MTIF2: variants seen among roughly 807,000 people sequenced by gnomAD.
The protein encoded by MTIF2 is translation initiation factor IF-2, mitochondrial.
A neutral mutation model predicts 83.5 loss-of-function variants in MTIF2; 71 were observed. The ratio of observed to expected loss-of-function variants is 0.85; its 90% CI spans 0.70 to 1.04. The LOEUF (loss-of-function observed/expected upper bound fraction) is 1.04. Among genes scored for constraint, MTIF2 ranks in the 50% least tolerant of loss-of-function variants. The pLI, the probability that MTIF2 is intolerant of heterozygous loss-of-function variation, is 0.00. For missense variants in MTIF2, 957 were observed against 846.5 expected (o/e 1.13, Z -1.62); for synonymous variants, 319 against 287.1 (o/e 1.11, Z -1.12).
Position 55,236,732 on chromosome 2 carries a change from ATT to A in MTIF2, c.2098_2099del (p.Asn700TyrfsTer13). The A allele has an allele frequency of 6.2e-7, 1 of 1,611,336 alleles. No homozygotes were observed. The highest frequency in any genetic ancestry group is 8.5e-7 in the Non-Finnish European group (1 of 1,179,240). On this transcript the variant is annotated frameshift_variant, in exon 16 of 16. Coordinates refer to ENST00000263629, the MANE Select transcript of MTIF2 (RefSeq NM_002453.3). LOFTEE classifies it high-confidence loss of function. ...TTCTGTCTCCCACTTGAAATTCCAT[ATT>A]GTCTTCATCTAAACTGAGACCACAA... is the stretch of plus-strand genomic sequence containing the variant. ...MDCGLSLDED[N>X]MEFQVGDRIV...
chr2:55,243,221 A>G, intron 12 of MTIF2, 141 bp from the exon 13 acceptor site: 4 of 1,049,250 alleles, frequency 3.8e-6, no homozygotes, highest in Non-Finnish European at 5.4e-6. Context: ...AGCATTACAC[A>G]TATCTACTTG....
chr2:55,262,715 GT>G (rs1222740366), intron 4 of MTIF2, among the ~76,000 whole-genome samples: 1 of 67,782 alleles, frequency 1.5e-5, no homozygotes, highest in African/African-American at 3.8e-5. Context: ...GCTAATTTTT[GT>G]ATTTTTTTTT....
At position 55,263,782 on chromosome 2, in the gene MTIF2, T is replaced by C. The variant is rs1488637516; in HGVS notation, c.77A>G (p.Gln26Arg). Residue 26 changes from glutamine to arginine, a missense_variant, in exon 4 of 16, where the codon CAA becomes CGA. This residue lies in a region of MTIF2 where 733 missense variants were observed against 648.7 expected (regional missense o/e 1.13). Coordinates refer to ENST00000263629, the MANE Select transcript of MTIF2 (RefSeq NM_002453.3). The part of the protein sequence containing the change: ...TIYRQLHSLC[Q>R]RRALRQWRHG... Reference sequence around the variant, plus strand: ...CCTCCACTGTCTTAATGCTCTTCTTTGACACAGACTGTGCAGTTGCCTATA... The same window carrying C: ...CCTCCACTGTCTTAATGCTCTTCTTCGACACAGACTGTGCAGTTGCCTATA... 1.2e-6 allele frequency: 2 copies of C among 1,614,162 alleles called. No individual in the cohort carries two copies. Among genetic ancestry groups the C allele is most frequent in the African/African-American group, 2.7e-5 (2 of 75,038 alleles).
At chr2:55,246,589 T>C (rs1573871001) in intron 9 of MTIF2, 128 bp from the exon 10 acceptor site, 1 of 751,730 alleles carries the variant, frequency 1.3e-6, no homozygotes. Flanking sequence ...ATTGAAAGCA[T>C]GATTACTCAA....
At chr2:55,268,977 G>C (rs1678637279) in intron 1 of MTIF2, 192 bp downstream of exon 1, 1 of 152,178 alleles carries the variant, frequency 6.6e-6, no homozygotes, top group Non-Finnish European at 1.5e-5. Flanking sequence ...GCTTCCGAGA[G>C]AACAGTGCAC....
At position 55,236,618 on chromosome 2, in the gene MTIF2, C is replaced by CGTTGA; in HGVS notation, c.*25_*29dup. 2 of 1,552,006 alleles carry CGTTGA rather than the reference C, an allele frequency of 1.3e-6. No individual in the cohort carries two copies. The highest frequency in any genetic ancestry group is 1.3e-5 in the South Asian group (1 of 79,604). On this transcript the variant is annotated 3_prime_UTR_variant, in exon 16 of 16. Coordinates refer to ENST00000263629, the MANE Select transcript of MTIF2 (RefSeq NM_002453.3). ...CATTTCTACCTTCAAACAAACAACA[C>CGTTGA]GTTGAGTTATTTACATTTTTAATGT... is the stretch of plus-strand genomic sequence containing the variant.
chr2:55,249,632 T>C (rs1676949915), intron 8 of MTIF2, 98 bp from the exon 9 acceptor site: 1 of 1,424,792 alleles, frequency 7.0e-7, no homozygotes, highest in Non-Finnish European at 9.5e-7. Flanking sequence ...GTTTTCTCTT[T>C]ATTCAGTGGA....
intron 5 of MTIF2, among the ~76,000 whole-genome samples, chr2:55,259,850 A>G (rs1364040843): frequency 6.6e-6 from 1 of 152,022 alleles, no homozygotes; most frequent in Non-Finnish European, 1.5e-5. Context: ...AGGCTGAGGC[A>G]CAAGAATTGC....
intron 13 of MTIF2, among the ~76,000 whole-genome samples, chr2:55,242,738 C>G (rs1676416369): frequency 1.3e-5 from 2 of 152,108 alleles, no homozygotes; most frequent in African/African-American, 4.8e-5. Context: ...AACTGCAGTA[C>G]AACCACAACA....
intron 8 of MTIF2, among the ~76,000 whole-genome samples, chr2:55,251,995 G>T (rs947346069): frequency 6.6e-6 from 1 of 152,084 alleles, no homozygotes; most frequent in Non-Finnish European, 1.5e-5. Flanking sequence ...GGGAGAAGAT[G>T]GTTAAGTGAT....
chr2:55,244,271 T>C (rs2589083), intron 10 of MTIF2, 38 bp from the exon 11 acceptor site: 1,402,062 of 1,467,638 alleles, frequency 0.96, 670,145 homozygotes, highest in East Asian at 0.98. Flanking sequence ...AATGTCATAA[T>C]GTACTTTAAG....
intron 12 of MTIF2, 51 bp from the exon 13 acceptor site, chr2:55,243,131 C>T: frequency 6.6e-7 from 1 of 1,511,038 alleles, no homozygotes; most frequent in South Asian, 1.3e-5. Flanking sequence ...TAGACATCAG[C>T]AGACATAAAA....
Position 55,243,591 on chromosome 2 carries a change from T to TATTATTTTCAG in MTIF2, c.1378_1388dup (p.Glu464Ter). The TATTATTTTCAG allele has an allele frequency of 1.9e-6, 3 of 1,614,138 alleles. No individual in the cohort carries two copies. Among genetic ancestry groups the TATTATTTTCAG allele is most frequent in the Non-Finnish European group, 2.5e-6 (3 of 1,180,008 alleles). ...CTTTGTGTTCCTTTCGCTTTTCTTC[T>TATTATTTTCAG]ATTATTTTCAGATCCTCCTGACCTT... is the stretch of plus-strand genomic sequence containing the variant. On this transcript the variant is annotated stop_gained and frameshift_variant, in exon 12 of 16. Coordinates refer to ENST00000263629, the MANE Select transcript of MTIF2 (RefSeq NM_002453.3). LOFTEE classifies it high-confidence loss of function.
Position 55,252,457 on chromosome 2 carries a change from T to A in MTIF2, c.841+20A>T, listed in dbSNP as rs1377703531. On this transcript the variant is annotated intron_variant, in intron 8 of 15. Transcript: ENST00000263629. The stretch of plus-strand genomic sequence containing the variant: ...ACTTTGACTTTATGTAGTAGATCCA[T>A]TAAGTCAGCCACACAGTACCCTGTG... 1 of 1,607,298 alleles carries A rather than the reference T, an allele frequency of 6.2e-7. No individual in the cohort carries two copies. Among genetic ancestry groups the A allele is most frequent in the South Asian group, 1.1e-5 (1 of 90,516 alleles).
Position 55,265,388 on chromosome 2 carries a change from A to G in MTIF2, c.-7-1523T>C, listed in dbSNP as rs927551850. Reference sequence around the variant, plus strand: ...TTCCACAAACAGTTCATTGTCGTTAAAGCAAGCTTGCCAATACAATGAATC... The same window carrying G: ...TTCCACAAACAGTTCATTGTCGTTAGAGCAAGCTTGCCAATACAATGAATC... On this transcript the variant is annotated intron_variant, in intron 3 of 15. Coordinates refer to ENST00000263629, the MANE Select transcript of MTIF2 (RefSeq NM_002453.3). 1.1e-4 allele frequency among the ~76,000 whole-genome samples: 16 copies of G among 151,730 alleles called. No individual in the cohort carries two copies. The Admixed American group carries it at 1.1e-3, about 10-fold the overall frequency.
At position 55,246,344 on chromosome 2, in the gene MTIF2, C is replaced by T; in HGVS notation, c.1099G>A (p.Gly367Arg). Residue 367 changes from glycine (G) to arginine (R), a missense_variant, in exon 10 of 16, where the codon GGA becomes AGA. By Grantham distance (125) the Gly-to-Arg change is moderately radical (BLOSUM62 -2). This residue lies in a region of MTIF2 where 733 missense variants were observed against 648.7 expected (regional missense o/e 1.13). Transcript: ENST00000263629. ...GTVIESFTDKGRGLVTTAIIQ... is the reference protein window; with the variant it reads ...GTVIESFTDKRRGLVTTAIIQ... ...GCATTTTAAGAGTCCTACCCTCTTC[C>T]TTTGTCTGTGAAAGACTCTATTACT... 2 of 1,613,522 alleles carry T rather than the reference C, an allele frequency of 1.2e-6. No homozygotes were observed. Among genetic ancestry groups the T allele is most frequent in the African/African-American group, 1.3e-5 (1 of 75,042 alleles).
chr2:55,243,739 G>A, intron 11 of MTIF2, 71 bp from the exon 12 acceptor site: 1 of 1,481,252 alleles, frequency 6.8e-7, no homozygotes, highest in South Asian at 1.3e-5. Flanking sequence ...CCTTTGTGTT[G>A]TCCTGCATTA....
At chr2:55,255,206 T>A (rs1242010692) in intron 5 of MTIF2, among the ~76,000 whole-genome samples, 2 of 151,372 alleles carry the variant, frequency 1.3e-5, no homozygotes, top group Non-Finnish European at 2.9e-5. Flanking sequence ...TCAATTGCCA[T>A]TATTTGCAAT....
chr2:55,241,462 CTT>C (rs1038567678), intron 13 of MTIF2, among the ~76,000 whole-genome samples: 2 of 151,144 alleles, frequency 1.3e-5, no homozygotes, highest in Non-Finnish European at 3.0e-5. Context: ...GCAAAACACT[CTT>C]GTCTTAAACA....
Sources: allele counts gnomAD v4.1 joint callset (sites outside exome capture counted in the v4.1 genomes callset), GRCh38; gene constraint gnomAD v4.1.1; regional missense constraint gnomAD v4.1.1; transcripts MANE v1.5; gene names NCBI Gene and HGNC (gene_info 2026-07-23, HGNC 2026-07-21).